AGBL4: variants seen among roughly 807,000 people sequenced by gnomAD.
AGBL4 encodes the protein AGBL carboxypeptidase 4.
Under a neutral mutation model 66.4 loss-of-function variants are expected in AGBL4, and 58 were observed. The ratio of observed to expected loss-of-function variants is 0.87; its 90% CI spans 0.71 to 1.09. AGBL4 has a LOEUF of 1.09. Among genes scored for constraint, AGBL4 ranks in the 50% least tolerant of loss-of-function variants. AGBL4 has a pLI of 0.00. For missense variants in AGBL4, 579 were observed against 631.0 expected (o/e 0.92, Z 0.88); for synonymous variants, 234 against 222.9 (o/e 1.05, Z -0.44).
rs1646615789 is a variant in AGBL4, at chr1:48,690,684, C to T, written c.635-27443G>A. Among the ~76,000 whole-genome samples, 3 of 152,188 alleles carry T rather than the reference C, an allele frequency of 2.0e-5. No homozygotes were observed. The South Asian group carries it at 6.2e-4, about 32-fold the overall frequency. ...AAATAGGACGTAAGTAGAAAAGCCT[C>T]ATTTGAACATAATCAATGTTGGAAA... On this transcript the variant is annotated intron_variant, in intron 6 of 13. Transcript: ENST00000371839.
chr1:49,406,732 AT>A (rs535331826), intron 3 of AGBL4, among the ~76,000 whole-genome samples: 14 of 151,918 alleles, frequency 9.2e-5, no homozygotes, highest in African/African-American at 2.9e-4. Flanking sequence ...TTAATCTGGC[AT>A]TTTTTTTCTG....
intron 1 of AGBL4, among the ~76,000 whole-genome samples, chr1:49,930,882 C>T (rs1653273495): frequency 1.3e-5 from 2 of 152,092 alleles, no homozygotes; most frequent in Admixed American, 1.3e-4. Flanking sequence ...TTGTATTCAA[C>T]ATTGTATTTG....
At chr1:49,345,681 A>T (rs370890622) in intron 3 of AGBL4, among the ~76,000 whole-genome samples, 1 of 152,148 alleles carries the variant, frequency 6.6e-6, no homozygotes, top group Admixed American at 6.5e-5. Flanking sequence ...GAGCTATTAT[A>T]GCTTTTAACA....
intron 6 of AGBL4, among the ~76,000 whole-genome samples, chr1:48,755,244 T>C (rs1166381844): frequency 6.6e-6 from 1 of 152,058 alleles, no homozygotes; most frequent in African/African-American, 2.4e-5. Context: ...TCCCCATCAG[T>C]CTGAAAAGAC....
chr1:49,375,827 G>C (rs912581588), intron 3 of AGBL4, among the ~76,000 whole-genome samples: 1 of 152,016 alleles, frequency 6.6e-6, no homozygotes, highest in Non-Finnish European at 1.5e-5. Context: ...CACTCAATGA[G>C]GCTATTTCAC....
intron 3 of AGBL4, among the ~76,000 whole-genome samples, chr1:49,557,853 T>G (rs1178935236): frequency 6.6e-6 from 1 of 151,612 alleles, no homozygotes; most frequent in Non-Finnish European, 1.5e-5. Context: ...GCTGCCGAGA[T>G]TGCAGCTCCA....
intron 3 of AGBL4, among the ~76,000 whole-genome samples, chr1:49,461,012 G>A (rs1342979085): frequency 1.3e-5 from 2 of 151,600 alleles, no homozygotes; most frequent in Non-Finnish European, 2.9e-5. Context: ...TGACGTTTTT[G>A]TCTCATAGCT....
chr1:49,925,171 CT>C (rs927667396), intron 1 of AGBL4, among the ~76,000 whole-genome samples: 20 of 152,310 alleles, frequency 1.3e-4, no homozygotes, highest in African/African-American at 4.6e-4. Context: ...TTGGAGAGGA[CT>C]TTGTCTTGCA....
chr1:48,907,772 G>A (rs1455676597), intron 5 of AGBL4, among the ~76,000 whole-genome samples: 3 of 152,164 alleles, frequency 2.0e-5, no homozygotes, highest in Non-Finnish European at 4.4e-5. Context: ...TATAGTTGGG[G>A]ATGCACTGTG....
At chr1:49,079,200 A>T (rs1290530397) in intron 4 of AGBL4, among the ~76,000 whole-genome samples, 3 of 152,248 alleles carry the variant, frequency 2.0e-5, no homozygotes, top group African/African-American at 4.8e-5. Context: ...ATAAGAATAC[A>T]TTTGGAGCCA....
rs150199978 is a variant in AGBL4 at position 49,807,108 on chromosome 1, T to C, written c.157+44288A>G. ...GTTGAGCTGGCTGAGAGTGGGGCAA[T>C]TGCAGAGAGTCTCCACTAGGTCAAT... On this transcript the variant is annotated intron_variant, in intron 2 of 13. Transcript: ENST00000371839. Among the ~76,000 whole-genome samples, 938 of 152,176 alleles carry C rather than the reference T, an allele frequency of 6.2e-3. 9 individuals are homozygous for C. The highest frequency in any genetic ancestry group is 0.021 in the African/African-American group (872 of 41,508).
At chr1:49,202,477 A>C (rs190188113) in intron 4 of AGBL4, among the ~76,000 whole-genome samples, 1 of 152,130 alleles carries the variant, frequency 6.6e-6, no homozygotes, top group Non-Finnish European at 1.5e-5. Context: ...ACCTTCACAT[A>C]TATGGTCAAT....
intron 3 of AGBL4, among the ~76,000 whole-genome samples, chr1:49,686,440 G>GC (rs1360277452): frequency 6.6e-6 from 1 of 152,108 alleles, no homozygotes; most frequent in African/African-American, 2.4e-5. Flanking sequence ...CTCAGCCTTG[G>GC]CCCCCTGAAA....
chr1:49,655,931 G>A (rs1037193100), intron 3 of AGBL4, among the ~76,000 whole-genome samples: 1 of 152,132 alleles, frequency 6.6e-6, no homozygotes, highest in Admixed American at 6.6e-5. Flanking sequence ...GGCAGATCAT[G>A]AGGTCAGCAG....
intron 3 of AGBL4, among the ~76,000 whole-genome samples, chr1:49,341,924 C>G (rs1174580561): frequency 6.6e-6 from 1 of 152,150 alleles, no homozygotes; most frequent in Non-Finnish European, 1.5e-5. Context: ...TTTCTGCTCT[C>G]CTAATCCTTA....
In AGBL4 at chr1:48,587,186, G is replaced by C; in HGVS notation, c.1105-20C>G. ...GCTGGACTGTGAAAGACAGAGTAGGGAGGAGAGAATCACGGCACCTGCTGC... is the reference window on the plus strand; with the variant it reads ...GCTGGACTGTGAAAGACAGAGTAGGCAGGAGAGAATCACGGCACCTGCTGC... On this transcript the variant is annotated intron_variant, in intron 10 of 13. Transcript: ENST00000371839. The C allele has an allele frequency of 6.5e-7, 1 of 1,533,970 alleles. No individual in the cohort carries two copies. The highest frequency in any genetic ancestry group is 8.8e-7 in the Non-Finnish European group (1 of 1,136,954).
chr1:49,519,969 G>A (rs939633943), intron 3 of AGBL4, among the ~76,000 whole-genome samples: 6 of 152,070 alleles, frequency 3.9e-5, no homozygotes, highest in African/African-American at 1.2e-4. Context: ...AGGGAAGTCA[G>A]AAGTGAGGGC....
chr1:48,686,607 CAA>C (rs1214774308), intron 6 of AGBL4, among the ~76,000 whole-genome samples: 10 of 152,328 alleles, frequency 6.6e-5, no homozygotes, highest in African/African-American at 2.2e-4. Context: ...CTAAGGAATA[CAA>C]GAAGGACAGG....
chr1:49,573,739 T>A (rs1270737092), intron 3 of AGBL4, among the ~76,000 whole-genome samples: 1 of 152,146 alleles, frequency 6.6e-6, no homozygotes, highest in South Asian at 2.1e-4. Context: ...AAAAGGTGCA[T>A]GCACAGCCTC....
Sources: gnomAD v4.1 joint callset for allele counts (sites outside exome capture counted in the v4.1 genomes callset) on GRCh38, gnomAD v4.1.1 for gene constraint, MANE v1.5 for transcripts, NCBI Gene and HGNC (gene_info 2026-07-23, HGNC 2026-07-21) for gene names.